The following DENND5B variants were observed in gnomAD, a reference collection of about 807,000 sequenced individuals.
The protein encoded by DENND5B is DENN domain containing 5B, also known as DENN domain-containing protein 5B.
In DENND5B, 34 loss-of-function variants were observed where a neutral mutation model predicts 140.6. That is an observed-to-expected ratio of 0.24 (90% CI 0.18 to 0.32). The LOEUF (loss-of-function observed/expected upper bound fraction) is 0.32, where lower values mean the gene tolerates loss of function less well. Ranked by LOEUF, DENND5B falls within the 10% of genes least tolerant of loss-of-function variation. The pLI is 1.00. For missense variants in DENND5B, 1,142 were observed against 1,560.2 expected (o/e 0.73, Z 4.52); for synonymous variants, 551 against 562.1 (o/e 0.98, Z 0.28).
intron 1 of DENND5B, among the ~76,000 whole-genome samples, chr12:31,567,704 G>A (rs1255201081): frequency 6.6e-6 from 1 of 151,690 alleles, no homozygotes; most frequent in African/African-American, 2.4e-5. Flanking sequence ...CCAGCTACTT[G>A]GGAGGCTGAG....
chr12:31,395,300 G>A (rs1255968985), intron 17 of DENND5B, among the ~76,000 whole-genome samples: 2 of 152,164 alleles, frequency 1.3e-5, no homozygotes, highest in African/African-American at 4.8e-5. Context: ...GTTGCTATAA[G>A]TGCTTTAAAT....
intron 7 of DENND5B, among the ~76,000 whole-genome samples, chr12:31,436,502 T>C (rs189744996): frequency 2.0e-4 from 30 of 152,284 alleles, no homozygotes; most frequent in African/African-American, 7.2e-4. Context: ...CATTTAGTAC[T>C]GCTGATCGCT....
chr12:31,507,636 T>C (rs974459758), intron 1 of DENND5B, among the ~76,000 whole-genome samples: 1 of 152,236 alleles, frequency 6.6e-6, no homozygotes, highest in African/African-American at 2.4e-5. Context: ...AAAAAAAATT[T>C]TTTAAGTAAT....
At chr12:31,446,648 G>A (rs1944285978) in intron 6 of DENND5B, among the ~76,000 whole-genome samples, 1 of 152,240 alleles carries the variant, frequency 6.6e-6, no homozygotes, top group African/African-American at 2.4e-5. Context: ...TGTAATCCCA[G>A]CACTTTGGGA....
chr12:31,429,600 G>A (rs1943418109), intron 8 of DENND5B, among the ~76,000 whole-genome samples: 1 of 151,512 alleles, frequency 6.6e-6, no homozygotes, highest in Non-Finnish European at 1.5e-5. Flanking sequence ...GTAGAGACGG[G>A]GTTTCGCCAT....
chr12:31,528,750 C>A (rs1243145678), intron 1 of DENND5B, among the ~76,000 whole-genome samples: 1 of 152,294 alleles, frequency 6.6e-6, no homozygotes, highest in Non-Finnish European at 1.5e-5. Context: ...GATGCCAATT[C>A]TAACTGGAGA....
chr12:31,550,555 T>C (rs1454543870), intron 1 of DENND5B, among the ~76,000 whole-genome samples: 1 of 152,062 alleles, frequency 6.6e-6, no homozygotes, highest in East Asian at 1.9e-4. Flanking sequence ...AGCAGCATGA[T>C]TTATAATCCT....
Position 31,520,402 on chromosome 12 carries a change from A to C in DENND5B, c.128-24483T>G, listed in dbSNP as rs560221633. Among the ~76,000 whole-genome samples, 5 of 152,360 alleles carry C rather than the reference A, an allele frequency of 3.3e-5. No individual in the cohort carries two copies. The East Asian group carries it at 9.6e-4, about 29-fold the overall frequency. On this transcript the variant is annotated intron_variant, in intron 1 of 20. Coordinates refer to ENST00000389082, the MANE Select transcript of DENND5B (RefSeq NM_144973.4). ...AAACAGCTGTTAATCATATGCAGCAAATCTCTAGCTAGTATAGAAGTTAGG... is the reference window on the plus strand; with the variant it reads ...AAACAGCTGTTAATCATATGCAGCACATCTCTAGCTAGTATAGAAGTTAGG...
rs1197751367 is a variant in DENND5B at position 31,505,032 on chromosome 12, A to G, written c.128-9113T>C. 4.6e-5 allele frequency among the ~76,000 whole-genome samples: 7 copies of G among 152,302 alleles called. No homozygotes were observed. In the South Asian group the frequency reaches 1.4e-3, roughly 32 times the overall value. On this transcript the variant is annotated intron_variant, in intron 1 of 20. Coordinates refer to ENST00000389082, the MANE Select transcript of DENND5B (RefSeq NM_144973.4). Reference sequence around the variant, plus strand: ...GAATGAGAAAAACTTTTATTGTCTCATGCCACTGAAGTATTATGGGGTTGT... The same window carrying G: ...GAATGAGAAAAACTTTTATTGTCTCGTGCCACTGAAGTATTATGGGGTTGT...
At chr12:31,412,551 T>G (rs946379523) in intron 13 of DENND5B, among the ~76,000 whole-genome samples, 1 of 152,212 alleles carries the variant, frequency 6.6e-6, no homozygotes, top group Non-Finnish European at 1.5e-5. Flanking sequence ...AATCTAATGC[T>G]GCTGATCTGA....
chr12:31,443,956 T>C (rs1187615418), intron 6 of DENND5B: 1 of 152,206 alleles, frequency 6.6e-6, no homozygotes, highest in Admixed American at 6.5e-5. Flanking sequence ...TTAAAACCAC[T>C]AAGAGTCAGG....
intron 2 of DENND5B, among the ~76,000 whole-genome samples, chr12:31,494,528 G>C (rs1247550730): frequency 6.6e-6 from 1 of 152,142 alleles, no homozygotes; most frequent in Non-Finnish European, 1.5e-5. Context: ...AAAAGGACCA[G>C]TGGCTACTCC....
At chr12:31,399,493 G>A (rs1941683312) in intron 16 of DENND5B, among the ~76,000 whole-genome samples, 161 bp downstream of exon 16, 2 of 151,756 alleles carry the variant, frequency 1.3e-5, no homozygotes. Context: ...TGGTCAGGCT[G>A]GTCTCAAACT....
intron 2 of DENND5B, among the ~76,000 whole-genome samples, chr12:31,490,019 G>A (rs754242463): frequency 4.6e-5 from 7 of 152,112 alleles, no homozygotes; most frequent in Non-Finnish European, 7.4e-5. Context: ...GTGAGTATAC[G>A]GAACAGAGAG....
chr12:31,457,241 C>T (rs1944816825), intron 4 of DENND5B, among the ~76,000 whole-genome samples: 1 of 152,204 alleles, frequency 6.6e-6, no homozygotes, highest in South Asian at 2.1e-4. Flanking sequence ...TGCAATTAAT[C>T]TTCAGTGCCT....
chr12:31,511,682 C>G (rs1173455508), intron 1 of DENND5B, among the ~76,000 whole-genome samples: 1 of 151,994 alleles, frequency 6.6e-6, no homozygotes, highest in African/African-American at 2.4e-5. Context: ...AGCTCTTCAA[C>G]ACATTATTCA....
chr12:31,538,410 G>A (rs574453495), intron 1 of DENND5B, among the ~76,000 whole-genome samples: 3 of 152,008 alleles, frequency 2.0e-5, no homozygotes, highest in Admixed American at 2.0e-4. Context: ...CACAACATAC[G>A]AAAAGCTATG....
Position 31,457,040 on chromosome 12 carries a change from C to T in DENND5B, c.1092+3154G>A, listed in dbSNP as rs114864331. 9.6e-3 allele frequency among the ~76,000 whole-genome samples: 1,465 copies of T among 152,290 alleles called. 26 individuals carry two copies. The highest frequency in any genetic ancestry group is 0.033 in the African/African-American group (1,387 of 41,548). ...TCAAGGCTGCAGTGAGCTGTGCCAC[C>T]ACATTCCTGCCTGGGTGACAGAGTG... On this transcript the variant is annotated intron_variant, in intron 4 of 20. Coordinates refer to ENST00000389082, the MANE Select transcript of DENND5B (RefSeq NM_144973.4).
chr12:31,517,339 G>A (rs1227715809), intron 1 of DENND5B, among the ~76,000 whole-genome samples: 5 of 152,264 alleles, frequency 3.3e-5, no homozygotes, highest in East Asian at 1.9e-4. Context: ...TCTATCCTGC[G>A]CTTAAAGCGG....
Sources: gnomAD v4.1 joint callset for allele counts (sites outside exome capture counted in the v4.1 genomes callset) on GRCh38, gnomAD v4.1.1 for gene constraint, MANE v1.5 for transcripts, NCBI Gene and HGNC (gene_info 2026-07-23, HGNC 2026-07-21) for gene names.